Variants in ACER1 observed in about 807,000 individuals in gnomAD.
The protein encoded by ACER1 is CTB-180A7.3.
Under a neutral mutation model 24.9 loss-of-function variants are expected in ACER1, and 28 were observed. The ratio of observed to expected loss-of-function variants is 1.13; its 90% CI spans 0.83 to 1.54. The LOEUF is 1.54. ACER1 is among the 40% of genes most tolerant of loss of function. The pLI is 0.00. For missense variants in ACER1, 352 were observed against 349.3 expected (o/e 1.01, Z -0.06); for synonymous variants, 132 against 131.4 (o/e 1.00, Z -0.03).
the ACER1 span, among the ~76,000 whole-genome samples, chr19:6,358,035 G>A: frequency 6.6e-6 from 1 of 152,138 alleles, no homozygotes; most frequent in African/African-American, 2.4e-5. Context: ...AGGAGTGGAG[G>A]AGTGGAGGAG....
chr19:6,325,155 T>A (rs2091654846), intron 1 of ACER1, among the ~76,000 whole-genome samples: 1 of 152,030 alleles, frequency 6.6e-6, no homozygotes, highest in Non-Finnish European at 1.5e-5. Flanking sequence ...ATCATGACTC[T>A]CCTCTGTTCA....
chr19:6,336,948 G>A (rs183085128), upstream of ACER1, among the ~76,000 whole-genome samples: 161 of 152,096 alleles, frequency 1.1e-3, no homozygotes, highest in Non-Finnish European at 1.8e-3. Flanking sequence ...GGCTGAGGCA[G>A]GTGGAGCACT....
intron 1 of ACER1, among the ~76,000 whole-genome samples, chr19:6,325,525 G>A (rs1037003764): frequency 6.6e-6 from 1 of 152,116 alleles, no homozygotes; most frequent in African/African-American, 2.4e-5. Flanking sequence ...ATGGTGGCAG[G>A]TGCTATAATC....
At chr19:6,359,062 T>C in the ACER1 span, among the ~76,000 whole-genome samples, 1 of 151,880 alleles carries the variant, frequency 6.6e-6, no homozygotes, top group Non-Finnish European at 1.5e-5. Flanking sequence ...GGAGACCCTG[T>C]CTCTACAAAA....
At chr19:6,312,114 C>T (rs369515089) in intron 3 of ACER1, 35 bp downstream of exon 3, 12 of 1,606,412 alleles carry the variant, frequency 7.5e-6, no homozygotes, top group African/African-American at 1.3e-5. Context: ...AAGACTCAGA[C>T]CCCACCCTGT....
At chr19:6,333,789 G>T (rs2145022701), upstream of ACER1, among the ~76,000 whole-genome samples, 1 of 152,360 alleles carries the variant, frequency 6.6e-6, no homozygotes, top group East Asian at 1.9e-4. Flanking sequence ...GGGGGCAGAA[G>T]TAGGCAGGGA....
At chr19:6,318,268 G>A (rs901273189) in intron 1 of ACER1, among the ~76,000 whole-genome samples, 3 of 151,956 alleles carry the variant, frequency 2.0e-5, no homozygotes, top group Non-Finnish European at 4.4e-5. Context: ...TCGGGAGTTC[G>A]AGACCAGCCT....
chr19:6,343,492 G>A, the ACER1 span, among the ~76,000 whole-genome samples: 1 of 150,436 alleles, frequency 6.6e-6, no homozygotes, highest in Admixed American at 6.6e-5. Context: ...CCATCTCAAC[G>A]TGGGGCCTCC....
At chr19:6,312,688 G>C (rs972371986) in intron 1 of ACER1, among the ~76,000 whole-genome samples, 189 bp from the exon 2 acceptor site, 4 of 126,982 alleles carry the variant, frequency 3.2e-5, no homozygotes, top group Non-Finnish European at 6.5e-5. Context: ...TTTTTTTTTA[G>C]ATGGAGTCTT....
chr19:6,344,794 A>G, the ACER1 span, among the ~76,000 whole-genome samples: 2 of 151,868 alleles, frequency 1.3e-5, no homozygotes, highest in African/African-American at 4.8e-5. Context: ...TATGTATGTT[A>G]TATATCCTCT....
rs1273021187 is a variant in ACER1 at position 6,333,454 on chromosome 19, C to T, written c.93+5G>A. On this transcript the variant is annotated splice_donor_5th_base_variant and intron_variant, in intron 1 of 5. Transcript: ENST00000301452. ...CGAGACTCCTTCACACACCCACGCA[C>T]TCACCGTGTTGTAGAACTCGGCCAC... 1.9e-6 allele frequency: 3 copies of T among 1,583,476 alleles called. No homozygotes were observed. Among genetic ancestry groups the T allele is most frequent in the Non-Finnish European group, 2.6e-6 (3 of 1,163,682 alleles).
At chr19:6,337,661 CTTTTTTTTTTTTT>C (rs1192304687), upstream of ACER1, among the ~76,000 whole-genome samples, 26 of 25,932 alleles carry the variant, frequency 1.0e-3, no homozygotes, top group Non-Finnish European at 1.4e-3. Flanking sequence ...TTCTTTCTTT[CTTTTTTTTTTTTT>C]TTTTTTTTTT....
intron 1 of ACER1, among the ~76,000 whole-genome samples, chr19:6,324,045 TTTTTA>T (rs1308046563): frequency 6.6e-6 from 1 of 152,086 alleles, no homozygotes; most frequent in Non-Finnish European, 1.5e-5. Flanking sequence ...CATTTCTCTC[TTTTTA>T]TTTTTATTTT....
intron 3 of ACER1, among the ~76,000 whole-genome samples, chr19:6,311,195 A>G (rs1175563143): frequency 7.1e-6 from 1 of 141,828 alleles, no homozygotes; most frequent in Non-Finnish European, 1.5e-5. Flanking sequence ...AGGAAAGATG[A>G]CAGGGGTCCC....
rs914313491 is a variant in ACER1 at position 6,323,059 on chromosome 19, C to T, written c.93+10400G>A. Among the ~76,000 whole-genome samples, 17 of 152,106 alleles carry T rather than the reference C, an allele frequency of 1.1e-4. 1 individual carries two copies. The highest frequency in any genetic ancestry group is 6.2e-4 in the South Asian group (3 of 4,818). On this transcript the variant is annotated intron_variant, in intron 1 of 5. Coordinates refer to ENST00000301452, the MANE Select transcript of ACER1 (RefSeq NM_133492.3). ...CCAGGGAGGCAGAGGTTTCGGTGAA[C>T]GGAGATCACGCCATTGCACTCCAGC...
chr19:6,320,374 G>A (rs1396915679), intron 1 of ACER1, among the ~76,000 whole-genome samples: 1 of 152,022 alleles, frequency 6.6e-6, no homozygotes, highest in Non-Finnish European at 1.5e-5. Context: ...GTGTAGCGGC[G>A]CGATCTCGGC....
At chr19:6,359,358 G>T in the ACER1 span, among the ~76,000 whole-genome samples, 8 of 143,756 alleles carry the variant, frequency 5.6e-5, no homozygotes, top group African/African-American at 7.8e-5. Context: ...TGCTCTTGTT[G>T]CCCAGGCTGG....
In ACER1 at chr19:6,328,760, A is replaced by G. The variant is rs2091673665; in HGVS notation, c.93+4699T>C. Among the ~76,000 whole-genome samples, 3 of 151,620 alleles carry G rather than the reference A, an allele frequency of 2.0e-5. No individual in the cohort carries two copies. In the South Asian group the frequency reaches 6.3e-4, roughly 32 times the overall value. On this transcript the variant is annotated intron_variant, in intron 1 of 5. Transcript: ENST00000301452. ...CCACTCACTGCAACCTCCACCTCCC[A>G]GGTTCAAGCAATTCTCCTGCCTCAG... is the stretch of plus-strand genomic sequence containing the variant.
the ACER1 span, among the ~76,000 whole-genome samples, chr19:6,359,646 G>A: frequency 4.6e-5 from 7 of 151,896 alleles, no homozygotes; most frequent in African/African-American, 1.5e-4. Context: ...TCGAAGGACT[G>A]CCCCGGGAAA....
Sources: allele counts gnomAD v4.1 joint callset (sites outside exome capture counted in the v4.1 genomes callset), GRCh38; gene constraint gnomAD v4.1.1; transcripts MANE v1.5; gene names NCBI Gene and HGNC (gene_info 2026-07-23, HGNC 2026-07-21).